The following TRPC1 variants were observed in gnomAD, a reference collection of about 807,000 sequenced individuals.
TRPC1 encodes short transient receptor potential channel 1.
In TRPC1, 42 loss-of-function variants were observed where a neutral mutation model predicts 88.2. That is an observed-to-expected ratio of 0.48 (90% CI 0.37 to 0.62). The LOEUF (loss-of-function observed/expected upper bound fraction) is 0.62. Ranked by LOEUF, TRPC1 falls within the 20% of genes least tolerant of loss-of-function variation. The pLI is 0.00. For synonymous variants in TRPC1, 288 were observed against 331.8 expected (o/e 0.87, Z 1.43); for missense variants, 699 against 957.3 (o/e 0.73, Z 3.56).
chr3:142,757,720 GT>G, intron 4 of TRPC1, among the ~76,000 whole-genome samples: 1 of 152,220 alleles, frequency 6.6e-6, no homozygotes, highest in Middle Eastern at 3.4e-3. Context: ...TAGATGACAG[GT>G]TGATTGGTGC....
intron 2 of TRPC1, among the ~76,000 whole-genome samples, chr3:142,740,447 T>A (rs1329781547): frequency 6.6e-6 from 1 of 152,184 alleles, no homozygotes; most frequent in Non-Finnish European, 1.5e-5. Flanking sequence ...AGAGATACAG[T>A]AAGCTGTCAG....
intron 4 of TRPC1, among the ~76,000 whole-genome samples, chr3:142,770,093 C>CTTTTTT (rs779905124): frequency 9.4e-5 from 9 of 95,240 alleles, no homozygotes; most frequent in Admixed American, 2.0e-4. Context: ...TTGTATGTTC[C>CTTTTTT]TTTTTTTTTT....
At chr3:142,791,462 G>A (rs1936294313) in intron 8 of TRPC1, among the ~76,000 whole-genome samples, 1 of 151,890 alleles carries the variant, frequency 6.6e-6, no homozygotes, top group Admixed American at 6.6e-5. Context: ...TTCCCATTTT[G>A]CAAGTAAGAA....
At chr3:142,763,959 A>AATATATATAT (rs1159520441) in intron 4 of TRPC1, among the ~76,000 whole-genome samples, 903 of 76,282 alleles carry the variant, frequency 0.012, 45 homozygotes, top group African/African-American at 0.053. Context: ...AAAAAAAAGA[A>AATATATATAT]ATATATATAT....
chr3:142,783,045 A>C (rs891712224), intron 6 of TRPC1, among the ~76,000 whole-genome samples: 3 of 152,226 alleles, frequency 2.0e-5, no homozygotes, highest in Non-Finnish European at 2.9e-5. Context: ...GTTGAATTGA[A>C]GAGTAGGAAA....
chr3:142,777,900 C>CA, intron 5 of TRPC1, 137 bp downstream of exon 5: 3 of 895,994 alleles, frequency 3.3e-6, no homozygotes, highest in Middle Eastern at 3.4e-4. Flanking sequence ...TACTTGGCAA[C>CA]AGACCCCTGC....
rs116516593 is a variant in TRPC1 at position 142,804,080 on chromosome 3, G to A, written c.1861G>A (p.Val621Met). 6.2e-7 allele frequency: 1 copy of A among 1,613,864 alleles called. No homozygotes were observed. Among genetic ancestry groups the A allele is most frequent in the African/African-American group, 1.3e-5 (1 of 75,020 alleles). ...CTATGGAGAAGAACTGCAGTCCTTT[G>A]TGGGAGCTGTCATTGTTGGTACATA... ...FSYGEELQSFVGAVIVGTYNV... is the reference protein window; with the variant it reads ...FSYGEELQSFMGAVIVGTYNV... The change falls in exon 11 of 13, where the codon GTG becomes ATG. Residue 621 changes from valine (V) to methionine (M), a missense_variant. By Grantham distance (21) the Val-to-Met change is conservative (BLOSUM62 1). Coordinates refer to ENST00000476941, the MANE Select transcript of TRPC1 (RefSeq NM_001251845.2).
chr3:142,762,126 C>T (rs1187389980), intron 4 of TRPC1, among the ~76,000 whole-genome samples: 2 of 152,124 alleles, frequency 1.3e-5, no homozygotes, highest in Non-Finnish European at 2.9e-5. Context: ...GCCTTGACCT[C>T]CTATGCTCAA....
At chr3:142,737,614 T>A (rs572586935) in intron 2 of TRPC1, among the ~76,000 whole-genome samples, 2 of 152,084 alleles carry the variant, frequency 1.3e-5, no homozygotes, top group East Asian at 3.9e-4. Flanking sequence ...TTCTAATCCA[T>A]AGAGAATCTG....
At chr3:142,759,487 T>C in intron 4 of TRPC1, among the ~76,000 whole-genome samples, 1 of 152,238 alleles carries the variant, frequency 6.6e-6, no homozygotes, top group African/African-American at 2.4e-5. Context: ...TTGAGAAGTG[T>C]CTGTTCATAT....
At chr3:142,729,753 T>G (rs1481926772) in intron 1 of TRPC1, among the ~76,000 whole-genome samples, 2 of 152,122 alleles carry the variant, frequency 1.3e-5, no homozygotes, top group Non-Finnish European at 2.9e-5. Flanking sequence ...ACTGAGAAAT[T>G]TAAGATTTAA....
At position 142,743,574 on chromosome 3, in the gene TRPC1, A is replaced by G. The variant is rs1934432463; in HGVS notation, c.417A>G (p.Arg139=). The G allele has an allele frequency of 1.6e-5, 24 of 1,522,810 alleles. No homozygotes were observed. The East Asian group carries it at 5.9e-4, about 38-fold the overall frequency. 94.3% of individuals were successfully genotyped at this position (1,522,810 alleles called of 1,614,324 possible). ...LLNHRPKRSS[R]PTIVKLMERI... The stretch of plus-strand genomic sequence containing the variant: ...ATCATCGACCAAAACGATCATCAAG[A>G]CCAACTATAGTAGTTAGTACTCTTA... The change falls in exon 3 of 13, where the codon AGA becomes AGG. Residue 139 remains arginine (R), a synonymous_variant. Transcript: ENST00000476941.
chr3:142,761,692 C>A (rs187486543), intron 4 of TRPC1, among the ~76,000 whole-genome samples: 19 of 150,366 alleles, frequency 1.3e-4, no homozygotes, highest in Non-Finnish European at 2.4e-4. Flanking sequence ...GCAGTGAATC[C>A]ATCAGGTCTT....
intron 4 of TRPC1, among the ~76,000 whole-genome samples, chr3:142,749,225 G>A (rs1321705295): frequency 6.6e-6 from 1 of 152,142 alleles, no homozygotes; most frequent in East Asian, 1.9e-4. Flanking sequence ...CACGTTTGTG[G>A]TGATGCTGGT....
chr3:142,735,871 T>G lies in TRPC1; in HGVS notation c.173-508T>G, dbSNP rs952448556. Among the ~76,000 whole-genome samples, 9 of 152,146 alleles carry G rather than the reference T, an allele frequency of 5.9e-5. No individual in the cohort carries two copies. The East Asian group carries it at 1.7e-3, about 29-fold the overall frequency. On this transcript the variant is annotated intron_variant, in intron 1 of 12. Coordinates refer to ENST00000476941, the MANE Select transcript of TRPC1 (RefSeq NM_001251845.2). The stretch of plus-strand genomic sequence containing the variant: ...TACATATCCTTGAATATATATGTAT[T>G]TATACTGCTTTTCCAAAGTGTTTTC...
chr3:142,744,991 T>G (rs1289129331), intron 3 of TRPC1, among the ~76,000 whole-genome samples: 1 of 152,196 alleles, frequency 6.6e-6, no homozygotes, highest in Admixed American at 6.5e-5. Context: ...TTGAGAAATG[T>G]GAGAGGCTCT....
intron 9 of TRPC1, among the ~76,000 whole-genome samples, chr3:142,801,869 C>G (rs991397493): frequency 2.2e-4 from 33 of 152,068 alleles, no homozygotes; most frequent in African/African-American, 7.5e-4. Flanking sequence ...CAAATTAGGC[C>G]TTTTCTTAAA....
At chr3:142,746,853 A>AC (rs1195452716) in intron 3 of TRPC1, among the ~76,000 whole-genome samples, 21 of 151,790 alleles carry the variant, frequency 1.4e-4, no homozygotes, top group Non-Finnish European at 2.5e-4. Context: ...GCGAGACTCC[A>AC]CCAAAAAAAA....
At chr3:142,791,249 A>ATCTG in intron 8 of TRPC1, 91 bp downstream of exon 8, 1 of 1,144,488 alleles carries the variant, frequency 8.7e-7, no homozygotes, top group Non-Finnish European at 1.2e-6. Context: ...AGTTACATTG[A>ATCTG]GCCAGATCAG....
Sources: allele counts gnomAD v4.1 joint callset (sites outside exome capture counted in the v4.1 genomes callset), GRCh38; gene constraint gnomAD v4.1.1; transcripts MANE v1.5; gene names NCBI Gene and HGNC (gene_info 2026-07-23, HGNC 2026-07-21).